Variants in GABBR2 observed in about 807,000 individuals in gnomAD.
GABBR2 encodes the protein gamma-aminobutyric acid type B receptor subunit 2.
A neutral mutation model predicts 105.6 loss-of-function variants in GABBR2; 23 were observed. The ratio of observed to expected loss-of-function variants is 0.22; its 90% CI spans 0.16 to 0.31. GABBR2 has a LOEUF of 0.31. Ranked by LOEUF, GABBR2 falls within the 10% of genes least tolerant of loss-of-function variation. GABBR2 has a pLI of 1.00. For synonymous variants in GABBR2, 478 were observed against 499.7 expected, an observed-to-expected ratio of 0.96 and a Z score of 0.58; for missense variants, 734 against 1,245.5, an observed-to-expected ratio of 0.59 and a Z score of 6.18.
chr9:98,584,969 C>T (rs1406140535), intron 1 of GABBR2, among the ~76,000 whole-genome samples: 1 of 152,184 alleles, frequency 6.6e-6, no homozygotes, highest in Non-Finnish European at 1.5e-5. Flanking sequence ...GCCTGGAAAT[C>T]AGATAGCTAA....
intron 9 of GABBR2, among the ~76,000 whole-genome samples, chr9:98,391,130 C>T (rs1263968649): frequency 6.6e-6 from 1 of 152,130 alleles, no homozygotes; most frequent in East Asian, 1.9e-4. Context: ...ATCTGTCAGG[C>T]CTGAGACTGA....
rs370860568 is a variant in GABBR2 at position 98,434,039 on chromosome 9, A to G, written c.1236+19942T>C. Among the ~76,000 whole-genome samples the G allele has an allele frequency of 1.2e-4, 18 of 152,250 alleles. No homozygotes were observed. In the South Asian group the frequency reaches 1.7e-3, roughly 14 times the overall value. The stretch of plus-strand genomic sequence containing the variant: ...TCTGAGTCTGGGACTGAGGGCTGGG[A>G]AAGGTGGGTCCACCCTCAATCTGAG... On this transcript the variant is annotated intron_variant, in intron 7 of 18. Transcript: ENST00000259455.
intron 1 of GABBR2, among the ~76,000 whole-genome samples, chr9:98,659,677 C>T (rs752620424): frequency 3.9e-5 from 6 of 151,922 alleles, no homozygotes; most frequent in East Asian, 1.9e-4. Flanking sequence ...CCCACCACCA[C>T]GCCCAGCTAA....
At chr9:98,352,935 C>T (rs943289186) in intron 13 of GABBR2, among the ~76,000 whole-genome samples, 1 of 152,014 alleles carries the variant, frequency 6.6e-6, no homozygotes, top group African/African-American at 2.4e-5. Context: ...CTTTTGGGCC[C>T]TAGAGCAGGA....
At chr9:98,477,464 T>C (rs1826816811) in intron 5 of GABBR2, among the ~76,000 whole-genome samples, 1 of 152,204 alleles carries the variant, frequency 6.6e-6, no homozygotes. Context: ...GGTCTAACTC[T>C]TGGGCTTAGG....
Position 98,531,313 on chromosome 9 carries a change from G to A in GABBR2, c.630+10560C>T, listed in dbSNP as rs184400651. Among the ~76,000 whole-genome samples the A allele has an allele frequency of 1.2e-4, 18 of 152,258 alleles. No individual in the cohort carries two copies. The East Asian group carries it at 2.3e-3, about 20-fold the overall frequency. The stretch of plus-strand genomic sequence containing the variant: ...CTGAGGACCTGGTGTGGAGTGTTAT[G>A]GGGGACCATCCACTAGGTCCTGAGG... On this transcript the variant is annotated intron_variant, in intron 3 of 18. Coordinates refer to ENST00000259455, the MANE Select transcript of GABBR2 (RefSeq NM_005458.8).
In GABBR2 at chr9:98,388,631, G is replaced by A. The variant is rs905605355; in HGVS notation, c.1529+223C>T. Among the ~76,000 whole-genome samples, 2 of 144,242 alleles carry A rather than the reference G, an allele frequency of 1.4e-5. No individual in the cohort carries two copies. The highest frequency in any genetic ancestry group is 6.8e-5 in the Admixed American group (1 of 14,788). 94.6% of individuals were successfully genotyped at this position (144,242 alleles called of 152,430 possible). On this transcript the variant is annotated intron_variant, in intron 10 of 18. Transcript: ENST00000259455. This position sits in a 1 kb window ranked among gnomAD's most constrained non-coding sequence, Gnocchi z 4.4. ...AGCAGCCTGGCCTCTGTGTGTGTGT[G>A]TGTGTGTGTGTGTGTGTGTGTGTGT... is the stretch of plus-strand genomic sequence containing the variant.
intron 1 of GABBR2, among the ~76,000 whole-genome samples, chr9:98,649,574 A>C (rs1366620820): frequency 6.6e-6 from 1 of 152,194 alleles, no homozygotes; most frequent in Non-Finnish European, 1.5e-5. Flanking sequence ...ACAGCAGCAA[A>C]ATAAGAAGAA....
chr9:98,465,327 T>C (rs1826526875), intron 6 of GABBR2, among the ~76,000 whole-genome samples: 1 of 151,928 alleles, frequency 6.6e-6, no homozygotes, highest in Non-Finnish European at 1.5e-5. Context: ...TAGATATCCA[T>C]GTAAAAAAAG....
chr9:98,447,310 G>A (rs1269443176), intron 7 of GABBR2, among the ~76,000 whole-genome samples: 1 of 112,716 alleles, frequency 8.9e-6, no homozygotes, highest in African/African-American at 3.1e-5. Context: ...TGATCCACCC[G>A]CCTCGGCCTC....
At chr9:98,684,104 G>A (rs931522442) in intron 1 of GABBR2, among the ~76,000 whole-genome samples, 3 of 135,448 alleles carry the variant, frequency 2.2e-5, no homozygotes, top group Non-Finnish European at 4.6e-5. Context: ...AGAGACTCTG[G>A]CAGAGCCAGA....
At position 98,288,745 on chromosome 9, in the gene GABBR2, T is replaced by C. The variant is rs1411397404; in HGVS notation, c.*1839A>G. On this transcript the variant is annotated 3_prime_UTR_variant, in exon 19 of 19. Coordinates refer to ENST00000259455, the MANE Select transcript of GABBR2 (RefSeq NM_005458.8). ...GACCTGTGATGTGTTAACATTTTTT[T>C]TTCCCTAAAAGCTACAGTACCTCCA... 6.6e-6 allele frequency: 1 copy of C among 152,612 alleles called. No individual in the cohort carries two copies. Among genetic ancestry groups the C allele is most frequent in the African/African-American group, 2.4e-5 (1 of 41,450 alleles). The allele number at this position is 152,612 out of a possible 1,614,324, so 9.5% of individuals were successfully genotyped here.
chr9:98,369,802 G>A (rs993780402), intron 12 of GABBR2, among the ~76,000 whole-genome samples: 8 of 152,008 alleles, frequency 5.3e-5, no homozygotes, highest in Non-Finnish European at 1.0e-4. Context: ...TGTGTGCAGG[G>A]GGCTAGGGTG....
At chr9:98,482,341 A>G (rs557997440) in intron 4 of GABBR2, among the ~76,000 whole-genome samples, 2 of 151,688 alleles carry the variant, frequency 1.3e-5, no homozygotes, top group African/African-American at 4.9e-5. Context: ...AGAAGAGGGG[A>G]AAAAAAACAC....
chr9:98,488,801 C>A (rs185012043), intron 4 of GABBR2, among the ~76,000 whole-genome samples: 1 of 147,148 alleles, frequency 6.8e-6, no homozygotes, highest in Admixed American at 6.8e-5. Context: ...TGGGTGGACA[C>A]GAAGCTGGGA....
At chr9:98,605,640 T>A (rs1339901377) in intron 1 of GABBR2, among the ~76,000 whole-genome samples, 2 of 152,156 alleles carry the variant, frequency 1.3e-5, no homozygotes. Flanking sequence ...CACATTCACA[T>A]CTTTCTTTAA....
intron 1 of GABBR2, among the ~76,000 whole-genome samples, chr9:98,656,387 AC>A (rs898044283): frequency 3.3e-5 from 5 of 152,256 alleles, no homozygotes; most frequent in Admixed American, 3.3e-4. Flanking sequence ...GACAGGCCTC[AC>A]ATCTGACAGG....
chr9:98,571,097 A>G (rs1828823391), intron 2 of GABBR2, among the ~76,000 whole-genome samples: 1 of 152,192 alleles, frequency 6.6e-6, no homozygotes, highest in African/African-American at 2.4e-5. Flanking sequence ...CCTGGGAGGG[A>G]TGTGCAGGTC....
chr9:98,659,949 C>G (rs1830237408), intron 1 of GABBR2, among the ~76,000 whole-genome samples: 1 of 151,926 alleles, frequency 6.6e-6, no homozygotes, highest in South Asian at 2.1e-4. Context: ...CCAGAAATAA[C>G]CACTATTAAA....
Sources: gnomAD v4.1 joint callset for allele counts (sites outside exome capture counted in the v4.1 genomes callset) on GRCh38, gnomAD v4.1.1 for gene constraint, Gnocchi (gnomAD v3.1) non-coding constraint, MANE v1.5 for transcripts, NCBI Gene and HGNC (gene_info 2026-07-23, HGNC 2026-07-21) for gene names.